The following ZNF518A variants were observed in gnomAD, a reference collection of about 807,000 sequenced individuals.
ZNF518A encodes the protein zinc finger protein 518.
ZNF518A carries 47 observed loss-of-function variants against 102.7 expected under a neutral mutation model. The observed-to-expected ratio is 0.46, with a 90% confidence interval of 0.36 to 0.58. ZNF518A has a LOEUF of 0.58. ZNF518A is among the 20% of genes least tolerant of loss of function. The probability of loss-of-function intolerance (pLI) is 0.00; values close to 1 mark genes in which losing one functional copy is unlikely to be tolerated. For synonymous variants in ZNF518A, 652 were observed against 594.6 expected (o/e 1.10, Z -1.40); for missense variants, 1,793 against 1,699.8 (o/e 1.05, Z -0.96).
chr10:96,147,214 G>A (rs1328519064), intron 3 of ZNF518A, among the ~76,000 whole-genome samples: 2 of 152,204 alleles, frequency 1.3e-5, no homozygotes, highest in Non-Finnish European at 2.9e-5. Context: ...ATCTGGGCCA[G>A]GCTTACCTGG....
Position 96,158,628 on chromosome 10 carries a change from C to G in ZNF518A, c.2306C>G (p.Ser769Cys). 6.2e-7 allele frequency: 1 copy of G among 1,613,340 alleles called. No homozygotes were observed. Among genetic ancestry groups the G allele is most frequent in the Non-Finnish European group, 8.5e-7 (1 of 1,179,630 alleles). Residue 769 changes from serine to cysteine, a missense_variant, in exon 6 of 6, where the codon TCT becomes TGT. By Grantham distance (112) the Ser-to-Cys change is moderately radical. Coordinates refer to ENST00000316045, the MANE Select transcript of ZNF518A (RefSeq NM_001330736.2). Reference sequence around the variant, plus strand: ...ATGCCTAGAATCACATCTGTTTTCTCTCTCCAGAGCCAACAGGCATCAGAA... The same window carrying G: ...ATGCCTAGAATCACATCTGTTTTCTGTCTCCAGAGCCAACAGGCATCAGAA... ...PMMPRITSVF[S>C]LQSQQASEFL...
chr10:96,156,223 A>G lies in ZNF518A; in HGVS notation c.-100A>G, dbSNP rs895846017. 5.4e-6 allele frequency: 6 copies of G among 1,120,796 alleles called. No individual in the cohort carries two copies. Among genetic ancestry groups the G allele is most frequent in the Non-Finnish European group, 4.8e-6 (4 of 825,558 alleles). 69.4% of individuals were successfully genotyped at this position (1,120,796 alleles called of 1,614,324 possible). ...TGAGTTATTGTGGGAAAAATCCTGTATATTGAAGATGTCTCTACACAGTAT... is the reference window on the plus strand; with the variant it reads ...TGAGTTATTGTGGGAAAAATCCTGTGTATTGAAGATGTCTCTACACAGTAT... On this transcript the variant is annotated 5_prime_UTR_variant, in exon 6 of 6. Coordinates refer to ENST00000316045, the MANE Select transcript of ZNF518A (RefSeq NM_001330736.2).
chr10:96,148,871 A>G (rs1190307878), intron 3 of ZNF518A, among the ~76,000 whole-genome samples: 1 of 151,986 alleles, frequency 6.6e-6, no homozygotes, highest in Non-Finnish European at 1.5e-5. Context: ...GCCCACCACC[A>G]CACCCGGCTA....
intron 1 of ZNF518A, among the ~76,000 whole-genome samples, chr10:96,170,147 G>T (rs1034755302): frequency 4.6e-5 from 7 of 152,178 alleles, no homozygotes; most frequent in African/African-American, 1.7e-4. Flanking sequence ...TGACCTTCTA[G>T]ATTCTCAGGA....
Position 96,173,999 on chromosome 10 carries a change from T to C in ZNF518A, n.35+17952T>C, listed in dbSNP as rs1052316817. On this transcript the variant is annotated intron_variant and non_coding_transcript_variant, in intron 1 of 2. Coordinates refer to the ZNF518A transcript ENST00000442635. Reference sequence around the variant, plus strand: ...ATATATGGCAATTGAACAATACTCATAAATAATCAATGAATCAAGTAACAA... The same window carrying C: ...ATATATGGCAATTGAACAATACTCACAAATAATCAATGAATCAAGTAACAA... 4.6e-5 allele frequency among the ~76,000 whole-genome samples: 7 copies of C among 152,086 alleles called. No individual in the cohort carries two copies. In the East Asian group the frequency reaches 5.8e-4, roughly 13 times the overall value.
chr10:96,204,799 AC>A, downstream of ZNF518A: 1 of 608,706 alleles, frequency 1.6e-6, no homozygotes, highest in Non-Finnish European at 3.0e-6. Flanking sequence ...TGCTATGAGG[AC>A]CAGGACTCCC....
chr10:96,137,676 T>C (rs2081673797), intron 3 of ZNF518A, among the ~76,000 whole-genome samples: 1 of 152,250 alleles, frequency 6.6e-6, no homozygotes, highest in African/African-American at 2.4e-5. Flanking sequence ...TTAATCTCTT[T>C]CTGTTGGATG....
At chr10:96,180,590 C>T (rs1335154975) in intron 1 of ZNF518A, among the ~76,000 whole-genome samples, 5 of 151,702 alleles carry the variant, frequency 3.3e-5, no homozygotes, top group South Asian at 2.1e-4. Flanking sequence ...TGAGAACATG[C>T]GGTGTTAGGT....
At position 96,157,314 on chromosome 10, in the gene ZNF518A, A is replaced by G; in HGVS notation, c.992A>G (p.Lys331Arg). Residue 331 changes from lysine (K) to arginine (R), a missense_variant, in exon 6 of 6, where the codon AAG (lysine) becomes AGG (arginine). Lys to Arg is a conservative substitution (Grantham distance 26). Transcript: ENST00000316045. ...TCAAGGAAGACGTTCTGGAAACGTA[A>G]GAAAATTAACAGTGGAAGTGACAGA... ...GASRKTFWKRKKINSGSDRSI... is the reference protein window; with the variant it reads ...GASRKTFWKRRKINSGSDRSI... 1.9e-6 allele frequency: 3 copies of G among 1,611,918 alleles called. No homozygotes were observed. Among genetic ancestry groups the G allele is most frequent in the Non-Finnish European group, 2.5e-6 (3 of 1,178,900 alleles).
At chr10:96,143,205 T>A (rs1554877220) in intron 3 of ZNF518A, among the ~76,000 whole-genome samples, 8 of 152,314 alleles carry the variant, frequency 5.3e-5, no homozygotes, top group Admixed American at 6.5e-5. Context: ...TCATTTCTAT[T>A]TTTACTCTTT....
In ZNF518A at chr10:96,163,328, T is replaced by TGGCTTTCCAAAGAG. The variant is rs1347521684; in HGVS notation, c.*2566_*2579dup. 1 of 166,788 alleles carries TGGCTTTCCAAAGAG rather than the reference T, an allele frequency of 6.0e-6. No homozygotes were observed. Among genetic ancestry groups the TGGCTTTCCAAAGAG allele is most frequent in the Non-Finnish European group, 1.5e-5 (1 of 68,064 alleles). The allele number at this position is 166,788 out of a possible 1,614,324, so 10.3% of individuals were successfully genotyped here. ...GCCTGTATCCTTTATTTTTTGTGTG[T>TGGCTTTCCAAAGAG]GGCTTTCCAAAGAGGGCTTTCCAAA... On this transcript the variant is annotated 3_prime_UTR_variant, in exon 6 of 6. Coordinates refer to ENST00000316045, the MANE Select transcript of ZNF518A (RefSeq NM_001330736.2).
At chr10:96,167,638 G>T (rs2083150040), downstream of ZNF518A, among the ~76,000 whole-genome samples, 1 of 152,066 alleles carries the variant, frequency 6.6e-6, no homozygotes, top group Admixed American at 6.5e-5. Flanking sequence ...CTCAATACTA[G>T]ATTTGAGATG....
In ZNF518A at chr10:96,160,213, A is replaced by G. The variant is rs3814227; in HGVS notation, c.3891A>G (p.Arg1297=). 8.9e-4 allele frequency: 1,438 copies of G among 1,612,014 alleles called. 36 individuals carry two copies. The East Asian group carries it at 0.032, about 36-fold the overall frequency. Residue 1297 remains arginine (R), a synonymous_variant, in exon 6 of 6, where the codon AGA becomes AGG. Coordinates refer to ENST00000316045, the MANE Select transcript of ZNF518A (RefSeq NM_001330736.2). ...CAAGAAGAAAAGCAACATTGCATAG[A>G]AAGTGTAAAGAAAAGGCAAAACCTG... ...EPPRRKATLH[R]KCKEKAKPED... is the part of the protein sequence containing the mutation.
Position 96,157,606 on chromosome 10 carries a change from G to A in ZNF518A, c.1284G>A (p.Met428Ile), listed in dbSNP as rs1448910332. ...AVLGPTLKNV[M>I]MKNNKLAVSP... Reference sequence around the variant, plus strand: ...TAGGACCTACACTGAAAAATGTAATGATGAAAAATAATAAACTAGCAGTTT... The same window carrying A: ...TAGGACCTACACTGAAAAATGTAATAATGAAAAATAATAAACTAGCAGTTT... The change falls in exon 6 of 6, where the codon ATG becomes ATA. Residue 428 changes from methionine to isoleucine, a missense_variant. This residue lies in a region of ZNF518A where 1,741 missense variants were observed against 1,622.6 expected (regional missense o/e 1.07). Transcript: ENST00000316045. 1.9e-6 allele frequency: 3 copies of A among 1,613,660 alleles called. No homozygotes were observed. The highest frequency in any genetic ancestry group is 1.7e-5 in the Admixed American group (1 of 59,966).
chr10:96,137,948 TC>T (rs2081693419), intron 3 of ZNF518A, among the ~76,000 whole-genome samples: 1 of 152,208 alleles, frequency 6.6e-6, no homozygotes, highest in Admixed American at 6.5e-5. Context: ...ACTTTAACAA[TC>T]TTTTATATCT....
chr10:96,179,790 C>T (rs914208362), intron 1 of ZNF518A, among the ~76,000 whole-genome samples: 8 of 148,766 alleles, frequency 5.4e-5, no homozygotes, highest in South Asian at 2.1e-4. Context: ...TTTCTTCTTC[C>T]TCCTCCTCCT....
rs1554883815 is a variant in ZNF518A, at chr10:96,157,791, A to G, written c.1469A>G (p.Asp490Gly). Residue 490 changes from aspartate (D) to glycine (G), a missense_variant, in exon 6 of 6, where the codon GAC becomes GGC. This residue lies in a region of ZNF518A where 1,741 missense variants were observed against 1,622.6 expected (regional missense o/e 1.07). Coordinates refer to ENST00000316045, the MANE Select transcript of ZNF518A (RefSeq NM_001330736.2). ...GCTAATTTGCAGCCCCAGACTTTGG[A>G]CACTAATGGATTTTTAACAGGAGTA... The part of the protein sequence containing the change: ...GTANLQPQTL[D>G]TNGFLTGVTT... 2.5e-6 allele frequency: 4 copies of G among 1,613,862 alleles called. No individual in the cohort carries two copies. The highest frequency in any genetic ancestry group is 2.5e-6 in the Non-Finnish European group (3 of 1,179,772).
rs782542989 is a variant in ZNF518A, at chr10:96,159,983, C to T, written c.3661C>T (p.Pro1221Ser). 1.2e-6 allele frequency: 2 copies of T among 1,613,312 alleles called. No homozygotes were observed. The highest frequency in any genetic ancestry group is 1.7e-6 in the Non-Finnish European group (2 of 1,179,678). The part of the protein sequence containing the change: ...TATCPESSEE[P>S]ICVSDCSESR... ...AACATGCCCAGAATCTTCTGAGGAA[C>T]CAATATGTGTCAGTGACTGTTCAGA... Residue 1221 changes from proline (P) to serine (S), a missense_variant, in exon 6 of 6, where the codon CCA (proline) becomes TCA (serine). Physicochemically the swap from Pro to Ser is moderately conservative, Grantham distance 74 (BLOSUM62 -1). Coordinates refer to ENST00000316045, the MANE Select transcript of ZNF518A (RefSeq NM_001330736.2).
At position 96,162,415 on chromosome 10, in the gene ZNF518A, A is replaced by G. The variant is rs919638920; in HGVS notation, c.*1641A>G. The stretch of plus-strand genomic sequence containing the variant: ...CTAAAAAAGATGTGAAACAGTTTAC[A>G]TATGTCAACTGTAACAGTAGGTCCC... On this transcript the variant is annotated 3_prime_UTR_variant, in exon 6 of 6. Transcript: ENST00000316045. 4 of 167,004 alleles carry G rather than the reference A, an allele frequency of 2.4e-5. No homozygotes were observed. The highest frequency in any genetic ancestry group is 5.9e-5 in the Non-Finnish European group (4 of 68,050). 10.3% of individuals were successfully genotyped at this position (167,004 alleles called of 1,614,324 possible).
Sources: gnomAD v4.1 joint callset for allele counts (sites outside exome capture counted in the v4.1 genomes callset) on GRCh38, gnomAD v4.1.1 for gene constraint, gnomAD v4.1.1 regional missense constraint, MANE v1.5 for transcripts, NCBI Gene and HGNC (gene_info 2026-07-23, HGNC 2026-07-21) for gene names.